The following ARHGAP19 variants were observed in gnomAD, a reference collection of about 807,000 sequenced individuals.
ARHGAP19 encodes rho GTPase-activating protein 19.
ARHGAP19 carries 48 observed loss-of-function variants against 60.9 expected under a neutral mutation model. The ratio of observed to expected loss-of-function variants is 0.79; its 90% CI spans 0.62 to 1.00. The LOEUF (loss-of-function observed/expected upper bound fraction) is 1.00, where lower values mean the gene tolerates loss of function less well. Among genes scored for constraint, ARHGAP19 ranks in the 50% least tolerant of loss-of-function variants. The pLI is 0.00. For synonymous variants in ARHGAP19, 209 were observed against 215.5 expected (o/e 0.97, Z 0.27); for missense variants, 562 against 597.2 (o/e 0.94, Z 0.61).
At chr10:97,264,427 TG>T (rs1232368608) in intron 3 of ARHGAP19, among the ~76,000 whole-genome samples, 1 of 147,942 alleles carries the variant, frequency 6.8e-6, no homozygotes, top group Non-Finnish European at 1.5e-5. Context: ...CACCCCAGCC[TG>T]GGTGAGAGAA....
rs1842877382 is a variant in ARHGAP19, at chr10:97,264,848, T to C, written c.381A>G (p.Gln127=). ...TACTTTTGTGTAGATACTCAATCAG[T>C]TGGTATATCTGGGCAATGCCTTCCT... ...LTEEGIAQIY[Q]LIEYLHKNLR... is the part of the protein sequence containing the mutation. Residue 127 remains glutamine, a synonymous_variant, in exon 3 of 12, where the codon CAA becomes CAG. Coordinates refer to ENST00000358531, the MANE Select transcript of ARHGAP19 (RefSeq NM_032900.6). The C allele has an allele frequency of 6.2e-7, 1 of 1,612,744 alleles. No individual in the cohort carries two copies. Among genetic ancestry groups the C allele is most frequent in the Non-Finnish European group, 8.5e-7 (1 of 1,179,042 alleles).
rs551877498 is a variant in ARHGAP19 at position 97,259,657 on chromosome 10, G to C, written c.614-29C>G. On this transcript the variant is annotated intron_variant, in intron 4 of 11. Coordinates refer to ENST00000358531, the MANE Select transcript of ARHGAP19 (RefSeq NM_032900.6). The stretch of plus-strand genomic sequence containing the variant: ...GAGGACAAAAGAGAATTTGCAAAGT[G>C]GGGAGAAAATATCAGCAAGAAAAAT... 33 of 1,564,414 alleles carry C rather than the reference G, an allele frequency of 2.1e-5. No individual in the cohort carries two copies. The South Asian group carries it at 3.4e-4, about 16-fold the overall frequency.
intron 11 of ARHGAP19, among the ~76,000 whole-genome samples, chr10:97,226,564 C>T (rs1233842948): frequency 1.3e-5 from 2 of 152,144 alleles, no homozygotes; most frequent in Non-Finnish European, 2.9e-5. Flanking sequence ...CACCACCGCC[C>T]CTCTCAACAC....
chr10:97,274,627 T>C (rs1400788470), intron 1 of ARHGAP19, among the ~76,000 whole-genome samples: 2 of 152,210 alleles, frequency 1.3e-5, no homozygotes, highest in Non-Finnish European at 2.9e-5. Flanking sequence ...TAAACTTGTA[T>C]GTATAATTGA....
At chr10:97,238,255 G>T (rs903567086) in intron 8 of ARHGAP19, among the ~76,000 whole-genome samples, 1 of 152,160 alleles carries the variant, frequency 6.6e-6, no homozygotes, top group Non-Finnish European at 1.5e-5. Flanking sequence ...GCCCAGGCTG[G>T]AGTGCAGTGG....
intron 6 of ARHGAP19, among the ~76,000 whole-genome samples, chr10:97,247,548 C>A (rs1450114244): frequency 1.3e-5 from 2 of 152,140 alleles, no homozygotes; most frequent in East Asian, 1.9e-4. Flanking sequence ...TAAGATTAAT[C>A]AAAAAATTGG....
At chr10:97,267,825 G>A (rs1016973652) in intron 1 of ARHGAP19, among the ~76,000 whole-genome samples, 7 of 152,202 alleles carry the variant, frequency 4.6e-5, no homozygotes, top group Non-Finnish European at 1.0e-4. Flanking sequence ...AAGGGACTGT[G>A]CAAAGCAGCA....
intron 8 of ARHGAP19, among the ~76,000 whole-genome samples, chr10:97,238,240 C>A (rs1239056592): frequency 6.6e-6 from 1 of 152,272 alleles, no homozygotes; most frequent in East Asian, 1.9e-4. Flanking sequence ...GGGTCTCGCT[C>A]TGTTGCCCAG....
chr10:97,248,429 T>C (rs1842594590), intron 6 of ARHGAP19, among the ~76,000 whole-genome samples: 2 of 150,904 alleles, frequency 1.3e-5, no homozygotes, highest in Non-Finnish European at 3.0e-5. Flanking sequence ...AAAAAAAAAA[T>C]CTGAAATTTG....
At position 97,274,092 on chromosome 10, in the gene ARHGAP19, G is replaced by A. The variant is rs1162673925; in HGVS notation, c.57-7967C>T. 2.6e-5 allele frequency among the ~76,000 whole-genome samples: 4 copies of A among 152,142 alleles called. No homozygotes were observed. The East Asian group carries it at 7.7e-4, about 29-fold the overall frequency. The stretch of plus-strand genomic sequence containing the variant: ...TTGCTTAAATGGTAAACTGTAAAGA[G>A]AAGCAGAAATGTATTTACCATAATA... On this transcript the variant is annotated intron_variant, in intron 1 of 11. Coordinates refer to ENST00000358531, the MANE Select transcript of ARHGAP19 (RefSeq NM_032900.6).
At chr10:97,236,065 T>C (rs747023661) in intron 8 of ARHGAP19, among the ~76,000 whole-genome samples, 1 of 152,140 alleles carries the variant, frequency 6.6e-6, no homozygotes, top group Non-Finnish European at 1.5e-5. Context: ...AACCTCCGCC[T>C]CCCAGGTTCA....
At position 97,229,812 on chromosome 10, in the gene ARHGAP19, A is replaced by G. The variant is rs1241924799; in HGVS notation, c.1347T>C (p.Ser449=). ...TTCCCTTCAATTCACCAATGGCCAC[A>G]GATTCTGGAGTAGGGTTCTTCTTTT... ...EKKKKNPTPE[S]VAIGELKGTS... is the part of the protein sequence containing the mutation. Residue 449 remains serine (S), a synonymous_variant, in exon 10 of 12, where the codon TCT becomes TCC. Coordinates refer to ENST00000358531, the MANE Select transcript of ARHGAP19 (RefSeq NM_032900.6). 2 of 1,613,416 alleles carry G rather than the reference A, an allele frequency of 1.2e-6. No homozygotes were observed. Among genetic ancestry groups the G allele is most frequent in the Admixed American group, 1.7e-5 (1 of 59,956 alleles).
At chr10:97,246,430 G>T in intron 6 of ARHGAP19, 93 bp from the exon 7 acceptor site, 1 of 987,050 alleles carries the variant, frequency 1.0e-6, no homozygotes, top group Non-Finnish European at 1.6e-6. Flanking sequence ...AAAATCATTT[G>T]ACCAGCAGAT....
At chr10:97,234,317 C>A (rs1024028089) in intron 9 of ARHGAP19, among the ~76,000 whole-genome samples, 1 of 150,712 alleles carries the variant, frequency 6.6e-6, no homozygotes, top group Non-Finnish European at 1.5e-5. Context: ...GGGCTTCATA[C>A]CTAGGTGATG....
chr10:97,259,666 A>G (rs1481256735), intron 4 of ARHGAP19, 38 bp from the exon 5 acceptor site: 3 of 1,511,132 alleles, frequency 2.0e-6, no homozygotes, highest in Non-Finnish European at 2.8e-6. Context: ...TGGGGAGAAA[A>G]TATCAGCAAG....
At chr10:97,265,462 A>G (rs1253383) in intron 2 of ARHGAP19, 177,386 of 195,296 alleles carry the variant, frequency 0.91, 81,316 homozygotes, top group Non-Finnish European at 0.97. Context: ...TGACACCACC[A>G]CACTCCAGCA....
chr10:97,286,142 T>G (rs546674613), intron 1 of ARHGAP19, among the ~76,000 whole-genome samples: 56 of 152,342 alleles, frequency 3.7e-4, no homozygotes, highest in Non-Finnish European at 6.0e-4. Flanking sequence ...CAGATAGAAT[T>G]TAACAGCACA....
At chr10:97,259,845 G>GTTTTGTTTTGTTTTGT (rs929962823) in intron 4 of ARHGAP19, among the ~76,000 whole-genome samples, 16 of 149,772 alleles carry the variant, frequency 1.1e-4, no homozygotes, top group Admixed American at 3.3e-4. Flanking sequence ...GTTTTGTTTT[G>GTTTTGTTTTGTTTTGT]TTTTTTTTGA....
chr10:97,291,452 C>A (rs1219952366), intron 1 of ARHGAP19, among the ~76,000 whole-genome samples: 2 of 152,172 alleles, frequency 1.3e-5, no homozygotes. Context: ...CGCCACCACA[C>A]CCGGCTAATT....
Sources: gnomAD v4.1 joint callset for allele counts (sites outside exome capture counted in the v4.1 genomes callset) on GRCh38, gnomAD v4.1.1 for gene constraint, MANE v1.5 for transcripts, NCBI Gene and HGNC (gene_info 2026-07-23, HGNC 2026-07-21) for gene names.